TRAF3IP1: variants seen among roughly 807,000 people sequenced by gnomAD.
TRAF3IP1 encodes the protein TRAF3-interacting protein 1.
Under a neutral mutation model 89.9 loss-of-function variants are expected in TRAF3IP1, and 53 were observed. That is an observed-to-expected ratio of 0.59 (90% CI 0.47 to 0.74). The LOEUF (loss-of-function observed/expected upper bound fraction) is 0.74, where lower values mean the gene tolerates loss of function less well. TRAF3IP1 is among the 30% of genes least tolerant of loss of function. The pLI is 0.00. For missense variants in TRAF3IP1, 806 were observed against 866.1 expected, an observed-to-expected ratio of 0.93 and a Z score of 0.87; for synonymous variants, 311 against 322.1, an observed-to-expected ratio of 0.97 and a Z score of 0.37.
rs1206616170 is a variant in TRAF3IP1, at chr2:238,373,465, G to A, written c.1689+17385G>A. 2.0e-5 allele frequency among the ~76,000 whole-genome samples: 3 copies of A among 152,212 alleles called. No individual in the cohort carries two copies. In the East Asian group the frequency reaches 5.8e-4, roughly 29 times the overall value. Reference sequence around the variant, plus strand: ...TGTAGATGTGTGGTGTTATTTCTGAGGCCTCTGTTCTGTTCCATTGGTCTA... The same window carrying A: ...TGTAGATGTGTGGTGTTATTTCTGAAGCCTCTGTTCTGTTCCATTGGTCTA... On this transcript the variant is annotated intron_variant, in intron 15 of 16. Transcript: ENST00000373327.
intron 15 of TRAF3IP1, among the ~76,000 whole-genome samples, chr2:238,366,124 C>T (rs775743660): frequency 2.6e-5 from 4 of 151,994 alleles, no homozygotes; most frequent in Non-Finnish European, 4.4e-5. Flanking sequence ...CCCAGCTACT[C>T]GGGAGGCTGA....
Position 238,398,819 on chromosome 2 carries a change from A to T in TRAF3IP1, c.1976A>T (p.Asp659Val). Reference protein sequence around the residue: ...ELAELEQLIKDQQDKICAVKA... With the variant: ...ELAELEQLIKVQQDKICAVKA... ...GCGGAGCTGGAGCAGCTGATCAAAG[A>T]CCAGCAAGACAAGATCTGTGCTGTG... is the stretch of plus-strand genomic sequence containing the variant. Residue 659 changes from aspartate to valine, a missense_variant, in exon 17 of 17, where the codon GAC becomes GTC. Asp to Val is a radical substitution (Grantham distance 152). Transcript: ENST00000373327. The T allele has an allele frequency of 6.2e-7, 1 of 1,613,540 alleles. No homozygotes were observed. The highest frequency in any genetic ancestry group is 8.5e-7 in the Non-Finnish European group (1 of 1,179,764).
intron 10 of TRAF3IP1, among the ~76,000 whole-genome samples, chr2:238,348,204 CAAAA>C (rs998918832): frequency 1.4e-5 from 2 of 137,984 alleles, no homozygotes; most frequent in Non-Finnish European, 3.2e-5. Flanking sequence ...TTTAAAAATG[CAAAA>C]AAAAAAGAAC....
At chr2:238,334,190 G>A (rs1698272210) in intron 7 of TRAF3IP1, 155 bp downstream of exon 7, 2 of 656,842 alleles carry the variant, frequency 3.0e-6, no homozygotes, top group Non-Finnish European at 5.3e-6. Context: ...ATGAAGATTT[G>A]TGGCTGTTAC....
At chr2:238,347,204 C>T (rs1698934367) in intron 9 of TRAF3IP1, 2 of 474,766 alleles carry the variant, frequency 4.2e-6, no homozygotes, top group South Asian at 2.8e-5. Flanking sequence ...TTCTCCACAT[C>T]CCTGTGTCCT....
chr2:238,392,087 C>A (rs557274316), intron 15 of TRAF3IP1, among the ~76,000 whole-genome samples: 18 of 152,140 alleles, frequency 1.2e-4, no homozygotes, highest in African/African-American at 4.3e-4. Context: ...AAATAATAGA[C>A]GCCCAGGTGT....
Position 238,338,454 on chromosome 2 carries a change from A to G in TRAF3IP1, c.1156A>G (p.Ile386Val), listed in dbSNP as rs144535537. ...EPNQETTTSE[I>V]GTKEANINST... ...AAATCAGGAAACGACAACATCAGAA[A>G]TAGGTAAGAAAAATATATTCTTTAG... The change falls in exon 8 of 17, where the codon ATA becomes GTA. Residue 386 changes from isoleucine (I) to valine (V), a missense_variant. By Grantham distance (29) the Ile-to-Val change is conservative (BLOSUM62 3). Coordinates refer to ENST00000373327, the MANE Select transcript of TRAF3IP1 (RefSeq NM_015650.4). The G allele has an allele frequency of 4.4e-4, 674 of 1,547,032 alleles. 1 individual carries two copies. The highest frequency in any genetic ancestry group is 6.8e-4 in the Middle Eastern group (3 of 4,404).
chr2:238,342,511 T>C (rs1698708027), intron 8 of TRAF3IP1, among the ~76,000 whole-genome samples: 1 of 152,182 alleles, frequency 6.6e-6, no homozygotes, highest in African/African-American at 2.4e-5. Flanking sequence ...GAAAGTGTCA[T>C]TGGTCTCTGA....
chr2:238,384,380 G>GTATGTATA (rs1553619335), intron 15 of TRAF3IP1, among the ~76,000 whole-genome samples: 101 of 143,294 alleles, frequency 7.0e-4, no homozygotes, highest in Middle Eastern at 7.3e-3. Flanking sequence ...ATGTATGTAT[G>GTATGTATA]TATATATATA....
intron 6 of TRAF3IP1, among the ~76,000 whole-genome samples, chr2:238,333,530 GC>G (rs1239374800): frequency 1.3e-5 from 2 of 152,222 alleles, no homozygotes; most frequent in African/African-American, 4.8e-5. Context: ...CTGGAACTGT[GC>G]CAGTGGAGGG....
chr2:238,394,888 A>G (rs955840229), intron 15 of TRAF3IP1, among the ~76,000 whole-genome samples: 1 of 152,214 alleles, frequency 6.6e-6, no homozygotes, highest in African/African-American at 2.4e-5. Flanking sequence ...TGCCCTCCTG[A>G]GCCCACAGTC....
intron 7 of TRAF3IP1, among the ~76,000 whole-genome samples, chr2:238,335,655 G>C (rs1345399521): frequency 2.6e-5 from 4 of 152,076 alleles, no homozygotes; most frequent in Non-Finnish European, 4.4e-5. Flanking sequence ...GGAAGTTTAG[G>C]CACCTCTAAC....
At chr2:238,342,108 C>T (rs766194326) in intron 8 of TRAF3IP1, among the ~76,000 whole-genome samples, 6 of 152,102 alleles carry the variant, frequency 3.9e-5, no homozygotes. Context: ...CATGTCTCAG[C>T]CTCCTGAGTA....
intron 15 of TRAF3IP1, among the ~76,000 whole-genome samples, chr2:238,396,972 G>T (rs1344858207): frequency 6.6e-6 from 1 of 152,146 alleles, no homozygotes; most frequent in African/African-American, 2.4e-5. Flanking sequence ...TCTCCTTTGG[G>T]TTTCTTTCCC....
In TRAF3IP1 at chr2:238,372,195, T is replaced by A. The variant is rs188286359; in HGVS notation, c.1689+16115T>A. ...GTGCACAATGTGCAGGTTTGTTACATAGGTATACATGTGCCATGTTGGTTT... is the reference window on the plus strand; with the variant it reads ...GTGCACAATGTGCAGGTTTGTTACAAAGGTATACATGTGCCATGTTGGTTT... On this transcript the variant is annotated intron_variant, in intron 15 of 16. Transcript: ENST00000373327. Among the ~76,000 whole-genome samples, 4 of 152,316 alleles carry A rather than the reference T, an allele frequency of 2.6e-5. No homozygotes were observed. The East Asian group carries it at 7.7e-4, about 29-fold the overall frequency.
At chr2:238,331,298 C>CT (rs1423082326) in intron 5 of TRAF3IP1, among the ~76,000 whole-genome samples, 3 of 105,778 alleles carry the variant, frequency 2.8e-5, no homozygotes, top group Non-Finnish European at 3.8e-5. Context: ...CCCATCTCTA[C>CT]TAAAAAAAAA....
chr2:238,357,058 G>C (rs994313443), intron 15 of TRAF3IP1, among the ~76,000 whole-genome samples: 1 of 152,176 alleles, frequency 6.6e-6, no homozygotes, highest in Non-Finnish European at 1.5e-5. Flanking sequence ...GATTACAGGC[G>C]TGAGCCACCG....
intron 15 of TRAF3IP1, among the ~76,000 whole-genome samples, chr2:238,358,554 G>A (rs1377148017): frequency 6.6e-6 from 1 of 152,164 alleles, no homozygotes; most frequent in Non-Finnish European, 1.5e-5. Flanking sequence ...TGTAGGAAGA[G>A]CCAAAGTCCT....
intron 11 of TRAF3IP1, 96 bp from the exon 12 acceptor site, chr2:238,349,229 G>A: frequency 1.7e-6 from 2 of 1,159,606 alleles, no homozygotes; most frequent in Middle Eastern, 3.8e-4. Flanking sequence ...TTATGGCTTG[G>A]AGATGAGAGT....
Sources: allele counts gnomAD v4.1 joint callset (sites outside exome capture counted in the v4.1 genomes callset), GRCh38; gene constraint gnomAD v4.1.1; transcripts MANE v1.5; gene names NCBI Gene and HGNC (gene_info 2026-07-23, HGNC 2026-07-21).